Variants in EHD4 observed in about 807,000 individuals in gnomAD.
The protein encoded by EHD4 is EH domain containing 4.
In EHD4, 37 loss-of-function variants were observed where a neutral mutation model predicts 51.0. That is an observed-to-expected ratio of 0.73 (90% CI 0.56 to 0.95). The LOEUF (loss-of-function observed/expected upper bound fraction) is 0.95, where lower values mean the gene tolerates loss of function less well. Ranked by LOEUF, EHD4 falls within the 40% of genes least tolerant of loss-of-function variation. EHD4 has a pLI of 0.00. For synonymous variants in EHD4, 297 were observed against 317.3 expected, an observed-to-expected ratio of 0.94 and a Z score of 0.68; for missense variants, 632 against 733.1, an observed-to-expected ratio of 0.86 and a Z score of 1.59.
At position 41,900,394 on chromosome 15, in the gene EHD4, A is replaced by C; in HGVS notation, c.*251T>G. 1 of 516,510 alleles carries C rather than the reference A, an allele frequency of 1.9e-6. No individual in the cohort carries two copies. The allele number at this position is 516,510 out of a possible 1,614,324, so 32.0% of individuals were successfully genotyped here. On this transcript the variant is annotated 3_prime_UTR_variant, in exon 6 of 6. Transcript: ENST00000220325. This position sits in a 1 kb window ranked among gnomAD's most constrained non-coding sequence, Gnocchi z 4.8. ...GCAGGTTCTGAGGACTCTTTGGACA[A>C]TTTCTCTTTCTTCTCAACCCTTCAA...
chr15:41,936,247 G>A (rs894192540), intron 3 of EHD4, among the ~76,000 whole-genome samples: 1 of 152,192 alleles, frequency 6.6e-6, no homozygotes, highest in African/African-American at 2.4e-5. Flanking sequence ...CACAGGTCTT[G>A]GCGTGGTGGT....
intron 1 of EHD4, among the ~76,000 whole-genome samples, chr15:41,960,739 T>C (rs184652043): frequency 1.7e-3 from 263 of 150,704 alleles, no homozygotes; most frequent in South Asian, 0.013. Context: ...AGTGGCATGA[T>C]CTCAGCTCAC....
At position 41,900,644 on chromosome 15, in the gene EHD4, C is replaced by T. The variant is rs1247608254; in HGVS notation, c.*1G>A. On this transcript the variant is annotated 3_prime_UTR_variant, in exon 6 of 6. Coordinates refer to ENST00000220325, the MANE Select transcript of EHD4 (RefSeq NM_139265.4). This position sits in a 1 kb window ranked among gnomAD's most constrained non-coding sequence, Gnocchi z 4.8. ...TCCCACCCCGTTCTGCAGCCCACCC[C>T]TCAGTCGGCCTTGGGCAGGGACTTC... 1.3e-6 allele frequency: 2 copies of T among 1,584,514 alleles called. No homozygotes were observed. The highest frequency in any genetic ancestry group is 1.7e-6 in the Non-Finnish European group (2 of 1,169,498).
intron 1 of EHD4, among the ~76,000 whole-genome samples, chr15:41,968,957 G>A (rs912650784): frequency 1.3e-5 from 2 of 152,212 alleles, no homozygotes; most frequent in Non-Finnish European, 2.9e-5. Context: ...GTTTGCATGC[G>A]GCTATCCAGT....
intron 4 of EHD4, among the ~76,000 whole-genome samples, chr15:41,910,450 G>A (rs1338594941): frequency 3.3e-5 from 5 of 152,202 alleles, no homozygotes; most frequent in Non-Finnish European, 5.9e-5. Flanking sequence ...CTTGATCACT[G>A]GGGCTTGGGG....
In EHD4 at chr15:41,958,204, C is replaced by T. The variant is rs74355212; in HGVS notation, c.237-4264G>A. On this transcript the variant is annotated intron_variant, in intron 1 of 5. Transcript: ENST00000220325. ...GTGCTTTGGAGACTTGATTTTTGTC[C>T]TTGGCTCCACTTTGCTCCCCCTTTC... is the stretch of plus-strand genomic sequence containing the variant. Among the ~76,000 whole-genome samples, 845 of 152,012 alleles carry T rather than the reference C, an allele frequency of 5.6e-3. 8 individuals are homozygous for T. Among genetic ancestry groups the T allele is most frequent in the Non-Finnish European group, 7.1e-3 (481 of 67,968 alleles).
intron 2 of EHD4, among the ~76,000 whole-genome samples, chr15:41,946,808 C>T (rs2067818119): frequency 6.6e-6 from 1 of 152,148 alleles, no homozygotes; most frequent in Non-Finnish European, 1.5e-5. Context: ...ACTAAAATTC[C>T]AATTAAATGA....
intron 1 of EHD4, among the ~76,000 whole-genome samples, chr15:41,961,351 A>G (rs1481503274): frequency 6.6e-6 from 1 of 152,178 alleles, no homozygotes; most frequent in Non-Finnish European, 1.5e-5. Context: ...TTACAGTTCT[A>G]TTTGTTCTTC....
chr15:41,925,824 C>A (rs1344969491), intron 3 of EHD4, among the ~76,000 whole-genome samples: 2 of 152,136 alleles, frequency 1.3e-5, no homozygotes, highest in Admixed American at 1.3e-4. Flanking sequence ...GCCCCTTCTA[C>A]CCAATCAAGG....
chr15:41,914,006 G>T (rs1648817), intron 4 of EHD4, among the ~76,000 whole-genome samples: 72,077 of 151,926 alleles, frequency 0.47, 18,172 homozygotes, highest in African/African-American at 0.63. Flanking sequence ...TAGTTCACAC[G>T]TACACTCTGA....
At chr15:41,944,544 G>A (rs533649081) in intron 2 of EHD4, among the ~76,000 whole-genome samples, 77 of 152,308 alleles carry the variant, frequency 5.1e-4, no homozygotes, top group African/African-American at 1.8e-3. Flanking sequence ...ACAGCCCTGG[G>A]TATGAGCGGC....
At position 41,919,601 on chromosome 15, in the gene EHD4, A is replaced by G; in HGVS notation, c.533T>C (p.Leu178Pro). The change falls in exon 4 of 6, where the codon CTG (leucine) becomes CCG (proline). Residue 178 changes from leucine (L) to proline (P), a missense_variant. By Grantham distance (98) the Leu-to-Pro change is moderately conservative. Transcript: ENST00000220325. ...GTCCACCCTCTCGGCAAACCACTGC[A>G]GGACCTGGCAGAAGTCATAGCCTGG... ...ISRGYDFCQVLQWFAERVDRI... is the reference protein window; with the variant it reads ...ISRGYDFCQVPQWFAERVDRI... The G allele has an allele frequency of 6.6e-7, 1 of 1,515,042 alleles. No homozygotes were observed. Among genetic ancestry groups the G allele is most frequent in the Non-Finnish European group, 8.8e-7 (1 of 1,132,698 alleles). The allele number at this position is 1,515,042 out of a possible 1,614,324, so 93.8% of individuals were successfully genotyped here. A position where few individuals can be genotyped will look rare whatever the true frequency, so the allele number is the denominator to read the frequency against.
chr15:41,948,147 G>A (rs530192594), intron 2 of EHD4, among the ~76,000 whole-genome samples: 19 of 152,112 alleles, frequency 1.2e-4, no homozygotes, highest in South Asian at 6.2e-4. Flanking sequence ...ACAGCTACTC[G>A]GGAGGCTGAG....
At chr15:41,929,439 C>T (rs1291417325) in intron 3 of EHD4, among the ~76,000 whole-genome samples, 2 of 152,240 alleles carry the variant, frequency 1.3e-5, no homozygotes, top group African/African-American at 4.8e-5. Flanking sequence ...GGTTCCACGC[C>T]AGTACTCGGC....
chr15:41,907,418 C>T (rs190143713), intron 5 of EHD4, among the ~76,000 whole-genome samples: 12 of 152,330 alleles, frequency 7.9e-5, no homozygotes, highest in African/African-American at 2.9e-4. Context: ...CCACAACAGC[C>T]CTCCAATACC....
intron 1 of EHD4, among the ~76,000 whole-genome samples, chr15:41,958,649 C>T (rs1459670748): frequency 6.6e-6 from 1 of 152,084 alleles, no homozygotes; most frequent in Non-Finnish European, 1.5e-5. Flanking sequence ...CAACGATGAG[C>T]TTAAGAATGA....
chr15:41,969,462 C>T (rs2067982719), intron 1 of EHD4, among the ~76,000 whole-genome samples: 1 of 152,144 alleles, frequency 6.6e-6, no homozygotes, highest in African/African-American at 2.4e-5. Context: ...AGAAGAATTG[C>T]TTGAACCCGG....
chr15:41,938,642 A>G (rs568220075), intron 3 of EHD4, among the ~76,000 whole-genome samples: 12 of 152,338 alleles, frequency 7.9e-5, no homozygotes, highest in African/African-American at 2.9e-4. Context: ...CTGTTAGAAA[A>G]TTTAGATAGA....
chr15:41,905,039 A>G (rs1049724836), intron 5 of EHD4, among the ~76,000 whole-genome samples: 2 of 152,182 alleles, frequency 1.3e-5, no homozygotes, highest in Admixed American at 1.3e-4. Flanking sequence ...TCTCTGCGTG[A>G]CCCTGATATG....
Sources: allele counts gnomAD v4.1 joint callset (sites outside exome capture counted in the v4.1 genomes callset), GRCh38; gene constraint gnomAD v4.1.1; non-coding constraint Gnocchi (gnomAD v3.1); transcripts MANE v1.5; gene names NCBI Gene and HGNC (gene_info 2026-07-23, HGNC 2026-07-21).